The following RELN variants were observed in gnomAD, a reference collection of about 807,000 sequenced individuals.
The protein encoded by RELN is reelin.
In RELN, 108 loss-of-function variants were observed where a neutral mutation model predicts 427.6. That is an observed-to-expected ratio of 0.25 (90% CI 0.22 to 0.30). The LOEUF (loss-of-function observed/expected upper bound fraction) is 0.30. Among genes scored for constraint, RELN ranks in the 10% least tolerant of loss-of-function variants. The pLI is 1.00. For synonymous variants in RELN, 1,524 were observed against 1,513.4 expected, an observed-to-expected ratio of 1.01 and a Z score of -0.16; for missense variants, 3,715 against 4,302.8, an observed-to-expected ratio of 0.86 and a Z score of 3.82.
chr7:103,834,738 C>T (rs35798385), intron 2 of RELN, among the ~76,000 whole-genome samples: 7,503 of 152,138 alleles, frequency 0.049, 279 homozygotes, highest in Middle Eastern at 0.075. Context: ...CACATTGAAA[C>T]AATAATGAGA....
intron 28 of RELN, among the ~76,000 whole-genome samples, chr7:103,588,695 A>G (rs1831336860): frequency 6.6e-6 from 1 of 152,214 alleles, no homozygotes; most frequent in South Asian, 2.1e-4. Flanking sequence ...CCAGATTTTC[A>G]GACAGCATAT....
At chr7:103,727,148 C>T (rs1790232196) in intron 7 of RELN, among the ~76,000 whole-genome samples, 1 of 152,060 alleles carries the variant, frequency 6.6e-6, no homozygotes, top group Non-Finnish European at 1.5e-5. Context: ...CCCCCTGCCC[C>T]ACAATTTACA....
rs1830687099 is a variant in RELN at position 103,563,694 on chromosome 7, AC to A, written c.5210+1583del. On this transcript the variant is annotated intron_variant, in intron 34 of 64. Transcript: ENST00000428762. The surrounding 1 kb of genome is among the most constrained non-coding windows in gnomAD (Gnocchi z 4.1). Reference sequence around the variant, plus strand: ...TCACTCACCACTCACTCACCCACTCACCCAGAGCAACTTCCAGTCCTGTAAG... The same window carrying A: ...TCACTCACCACTCACTCACCCACTCACCAGAGCAACTTCCAGTCCTGTAAG... Among the ~76,000 whole-genome samples the A allele has an allele frequency of 6.6e-6, 1 of 152,140 alleles. No individual in the cohort carries two copies. Among genetic ancestry groups the A allele is most frequent in the African/African-American group, 2.4e-5 (1 of 41,432 alleles).
At chr7:103,680,911 G>A (rs115459411) in intron 11 of RELN, among the ~76,000 whole-genome samples, 2,169 of 152,224 alleles carry the variant, frequency 0.014, 51 homozygotes, top group African/African-American at 0.049. Flanking sequence ...GTCATTCAGA[G>A]TCTCAGCCTT....
chr7:103,497,675 A>G lies in RELN; in HGVS notation c.8950+145T>C. On this transcript the variant is annotated intron_variant, in intron 55 of 64. Coordinates refer to ENST00000428762, the MANE Select transcript of RELN (RefSeq NM_005045.4). ...AGAAGTCACTTGTACGGAACATGTAATACAAACAAAATCTGTAGCTTTTTC... is the reference window on the plus strand; with the variant it reads ...AGAAGTCACTTGTACGGAACATGTAGTACAAACAAAATCTGTAGCTTTTTC... 4.1e-6 allele frequency: 3 copies of G among 726,378 alleles called. No individual in the cohort carries two copies. The South Asian group carries it at 4.6e-5, about 11-fold the overall frequency. The allele number at this position is 726,378 out of a possible 1,614,324, so 45.0% of individuals were successfully genotyped here.
intron 11 of RELN, among the ~76,000 whole-genome samples, chr7:103,663,004 T>A (rs1562945825): frequency 6.7e-6 from 1 of 148,190 alleles, no homozygotes; most frequent in African/African-American, 2.5e-5. Flanking sequence ...TCTTTTGCCA[T>A]ACAATGTGAA....
At chr7:103,647,728 A>G (rs1832826064) in intron 16 of RELN, among the ~76,000 whole-genome samples, 1 of 152,098 alleles carries the variant, frequency 6.6e-6, no homozygotes, top group South Asian at 2.1e-4. Context: ...TGGAACCAAA[A>G]GAAAGTGAAT....
intron 52 of RELN, among the ~76,000 whole-genome samples, chr7:103,501,208 A>G (rs1289317462): frequency 6.6e-6 from 1 of 152,188 alleles, no homozygotes; most frequent in Non-Finnish European, 1.5e-5. Flanking sequence ...AAATACACAA[A>G]TCTGTAACTT....
At chr7:103,701,073 A>G in intron 8 of RELN, 67 bp from the exon 9 acceptor site, 1 of 915,370 alleles carries the variant, frequency 1.1e-6, no homozygotes, top group South Asian at 1.3e-5. Flanking sequence ...ATCTTTTCTG[A>G]TAAATATTTT....
rs1439548973 is a variant in RELN, at chr7:103,988,119, TATAA to T, written c.226+1008_226+1011del. On this transcript the variant is annotated intron_variant, in intron 1 of 64. Coordinates refer to ENST00000428762, the MANE Select transcript of RELN (RefSeq NM_005045.4). This position sits in a 1 kb window ranked among gnomAD's most constrained non-coding sequence, Gnocchi z 4.9. ...GGACAATGGTTTCTATTTGGTTGGGTATAAATATTTTGGGGTTGAAATTCTAATT... is the reference window on the plus strand; with the variant it reads ...GGACAATGGTTTCTATTTGGTTGGGTATATTTTGGGGTTGAAATTCTAATT... Among the ~76,000 whole-genome samples the T allele has an allele frequency of 6.6e-6, 1 of 152,198 alleles. No individual in the cohort carries two copies. Among genetic ancestry groups the T allele is most frequent in the Non-Finnish European group, 1.5e-5 (1 of 68,040 alleles).
chr7:103,673,916 C>T (rs549353244), intron 11 of RELN, among the ~76,000 whole-genome samples: 1 of 151,912 alleles, frequency 6.6e-6, no homozygotes, highest in East Asian at 1.9e-4. Context: ...TACCTTTCTC[C>T]TCCTCTTCCC....
chr7:103,471,854 C>G lies in RELN; in HGVS notation c.*958G>C, dbSNP rs924939048. The G allele has an allele frequency of 6.6e-6, 1 of 152,500 alleles. No individual in the cohort carries two copies. Among genetic ancestry groups the G allele is most frequent in the African/African-American group, 2.4e-5 (1 of 41,394 alleles). 9.4% of individuals were successfully genotyped at this position (152,500 alleles called of 1,614,324 possible). On this transcript the variant is annotated 3_prime_UTR_variant, in exon 65 of 65. Transcript: ENST00000428762. ...TAGCTTGGTTCACCCTAGAGTGCAA[C>G]CTTTCAGTTACACAAATAGCATTCA...
chr7:103,953,342 G>A lies in RELN; in HGVS notation c.226+35789C>T. ...ATTTGGTTTCGGATCCACATTCATAGCGTATTGCACTCTCTGCCACAGACC... is the reference window on the plus strand; with the variant it reads ...ATTTGGTTTCGGATCCACATTCATAACGTATTGCACTCTCTGCCACAGACC... On this transcript the variant is annotated intron_variant, in intron 1 of 64. Coordinates refer to ENST00000428762, the MANE Select transcript of RELN (RefSeq NM_005045.4). This position sits in a 1 kb window ranked among gnomAD's most constrained non-coding sequence, Gnocchi z 4.3. 6.6e-6 allele frequency among the ~76,000 whole-genome samples: 1 copy of A among 152,180 alleles called. No individual in the cohort carries two copies. Among genetic ancestry groups the A allele is most frequent in the East Asian group, 1.9e-4 (1 of 5,200 alleles).
intron 4 of RELN, among the ~76,000 whole-genome samples, chr7:103,763,543 G>T (rs1791354063): frequency 6.6e-6 from 1 of 152,180 alleles, no homozygotes; most frequent in South Asian, 2.1e-4. Flanking sequence ...GATATAGGAG[G>T]AGACACTTGA....
chr7:103,527,966 G>T (rs1829861128), intron 46 of RELN, among the ~76,000 whole-genome samples: 1 of 152,304 alleles, frequency 6.6e-6, no homozygotes, highest in Non-Finnish European at 1.5e-5. Flanking sequence ...CCTCTACATT[G>T]CTGGTGGGAA....
At position 103,497,894 on chromosome 7, in the gene RELN, T is replaced by C. The variant is rs778882135; in HGVS notation, c.8876A>G (p.Glu2959Gly). 1.2e-6 allele frequency: 2 copies of C among 1,614,170 alleles called. No individual in the cohort carries two copies. The highest frequency in any genetic ancestry group is 2.2e-5 in the South Asian group (2 of 91,084). Residue 2959 changes from glutamate (E) to glycine (G), a missense_variant, in exon 55 of 65, where the codon GAG (glutamate) becomes GGG (glycine). Glu to Gly is a moderately conservative substitution (Grantham distance 98, BLOSUM62 -2). Around this residue, in one of 4 missense-constraint regions of RELN, gnomAD observed 1,310 missense variants for 1,643.0 expected, o/e 0.80. Coordinates refer to ENST00000428762, the MANE Select transcript of RELN (RefSeq NM_005045.4). Reference sequence around the variant, plus strand: ...ACGATGGCAAGAGGTCATGTTGTTCTCACTACCGATGCGCCCCCAGTATTG... The same window carrying C: ...ACGATGGCAAGAGGTCATGTTGTTCCCACTACCGATGCGCCCCCAGTATTG... ...FLQYWGRIGS[E>G]NNMTSCHRPI... is the part of the protein sequence containing the mutation.
chr7:103,484,613 T>C (rs1376769322), intron 61 of RELN: 2 of 152,286 alleles, frequency 1.3e-5, no homozygotes, highest in Non-Finnish European at 2.9e-5. Context: ...ATATTATACA[T>C]GTGAAAACCT....
At chr7:103,486,506 G>C (rs774001116) in intron 60 of RELN, 90 bp from the exon 61 acceptor site, 16 of 920,914 alleles carry the variant, frequency 1.7e-5, no homozygotes, top group Non-Finnish European at 2.2e-5. Context: ...GGTTTAAGTA[G>C]TTGTTACTGT....
intron 52 of RELN, among the ~76,000 whole-genome samples, chr7:103,502,086 C>T (rs1201873359): frequency 6.6e-6 from 1 of 152,186 alleles, no homozygotes; most frequent in Non-Finnish European, 1.5e-5. Context: ...GTTCAACTTA[C>T]AAATCAACCA....
Sources: gnomAD v4.1 joint callset for allele counts (sites outside exome capture counted in the v4.1 genomes callset) on GRCh38, gnomAD v4.1.1 for gene constraint, gnomAD v4.1.1 regional missense constraint, Gnocchi (gnomAD v3.1) non-coding constraint, MANE v1.5 for transcripts, NCBI Gene and HGNC (gene_info 2026-07-23, HGNC 2026-07-21) for gene names.